Variants in ST8SIA1 observed in about 807,000 individuals in gnomAD.
ST8SIA1 encodes the protein ST8 alpha-N-acetyl-neuraminide alpha-2,8-sialyltransferase 1, also known as alpha-N-acetylneuraminide alpha-2,8-sialyltransferase.
A neutral mutation model predicts 35.9 loss-of-function variants in ST8SIA1; 16 were observed. The observed-to-expected ratio is 0.45, with a 90% CI of 0.30 to 0.68. The LOEUF (loss-of-function observed/expected upper bound fraction) is 0.68. Ranked by LOEUF, ST8SIA1 falls within the 30% of genes least tolerant of loss-of-function variation. The pLI is 0.09. For synonymous variants in ST8SIA1, 170 were observed against 169.6 expected, an observed-to-expected ratio of 1.00 and a Z score of -0.02; for missense variants, 383 against 453.6, an observed-to-expected ratio of 0.84 and a Z score of 1.41.
intron 4 of ST8SIA1, among the ~76,000 whole-genome samples, chr12:22,241,724 T>C (rs1452438755): frequency 1.3e-5 from 2 of 151,342 alleles, no homozygotes; most frequent in African/African-American, 2.4e-5. Context: ...TTCCCTCAAA[T>C]TTATAAAATC....
At chr12:22,282,312 C>G (rs918168302) in intron 2 of ST8SIA1, among the ~76,000 whole-genome samples, 4 of 152,144 alleles carry the variant, frequency 2.6e-5, no homozygotes, top group Admixed American at 6.5e-5. Flanking sequence ...ATAATAACAG[C>G]CACACAGAGT....
At chr12:22,288,542 C>G (rs999904601) in intron 1 of ST8SIA1, among the ~76,000 whole-genome samples, 5 of 152,172 alleles carry the variant, frequency 3.3e-5, no homozygotes, top group African/African-American at 9.7e-5. Context: ...GCAGGAGCCC[C>G]GCGGTGTGGG....
intron 2 of ST8SIA1, among the ~76,000 whole-genome samples, chr12:22,276,335 A>T (rs1289038128): frequency 2.0e-5 from 3 of 152,064 alleles, no homozygotes; most frequent in Non-Finnish European, 2.9e-5. Flanking sequence ...CTGTGTGAAC[A>T]CTCGGGATTT....
At chr12:22,246,397 A>T (rs191182273) in intron 4 of ST8SIA1, among the ~76,000 whole-genome samples, 1 of 152,338 alleles carries the variant, frequency 6.6e-6, no homozygotes, top group Admixed American at 6.5e-5. Context: ...TTGGAAAAAG[A>T]TCAGAGGGTG....
At chr12:22,205,465 GGAATT>G (rs1865096728) in intron 4 of ST8SIA1, among the ~76,000 whole-genome samples, 1 of 152,014 alleles carries the variant, frequency 6.6e-6, no homozygotes, top group African/African-American at 2.4e-5. Flanking sequence ...ATTTTATAAA[GGAATT>G]GAATACATGA....
At chr12:22,229,846 G>C (rs1227632680) in intron 4 of ST8SIA1, among the ~76,000 whole-genome samples, 1 of 152,142 alleles carries the variant, frequency 6.6e-6, no homozygotes, top group Non-Finnish European at 1.5e-5. Flanking sequence ...GCCTGGGACA[G>C]GTCTGAACTA....
chr12:22,318,463 A>T (rs559967337), intron 1 of ST8SIA1, among the ~76,000 whole-genome samples: 2 of 152,338 alleles, frequency 1.3e-5, no homozygotes, highest in South Asian at 4.1e-4. Context: ...TGTGAGAGCT[A>T]GATAGTTAAG....
intron 4 of ST8SIA1, among the ~76,000 whole-genome samples, chr12:22,217,943 AAATAACTGTT>A (rs1865252707): frequency 6.6e-6 from 1 of 152,254 alleles, no homozygotes. Context: ...AGATGAATGT[AAATAACTGTT>A]CATTTCTCAT....
At chr12:22,290,027 C>G (rs1163292177) in intron 1 of ST8SIA1, among the ~76,000 whole-genome samples, 3 of 152,196 alleles carry the variant, frequency 2.0e-5, no homozygotes, top group Non-Finnish European at 4.4e-5. Flanking sequence ...TACAGCATCA[C>G]CATGCTAGGG....
chr12:22,203,201 G>C (rs1865069483), intron 4 of ST8SIA1, among the ~76,000 whole-genome samples: 1 of 152,102 alleles, frequency 6.6e-6, no homozygotes, highest in Non-Finnish European at 1.5e-5. Context: ...AAGAGAGAGA[G>C]AGAAAGAGAG....
chr12:22,297,220 CA>C (rs1866256966), intron 1 of ST8SIA1, among the ~76,000 whole-genome samples: 1 of 151,752 alleles, frequency 6.6e-6, no homozygotes, highest in African/African-American at 2.4e-5. Flanking sequence ...ACAGAAACAG[CA>C]TTATAAATTT....
intron 4 of ST8SIA1, among the ~76,000 whole-genome samples, chr12:22,219,235 G>A (rs1865269347): frequency 6.6e-6 from 1 of 152,094 alleles, no homozygotes; most frequent in Non-Finnish European, 1.5e-5. Context: ...TACCACAAAT[G>A]TAAATTACAC....
intron 1 of ST8SIA1, among the ~76,000 whole-genome samples, chr12:22,330,898 C>T (rs539655441): frequency 6.6e-6 from 1 of 152,244 alleles, no homozygotes; most frequent in African/African-American, 2.4e-5. Context: ...TTGGCATTTC[C>T]CACAGTATCA....
At chr12:22,246,984 C>T (rs1865611624) in intron 4 of ST8SIA1, among the ~76,000 whole-genome samples, 1 of 152,142 alleles carries the variant, frequency 6.6e-6, no homozygotes, top group African/African-American at 2.4e-5. Context: ...TCTTAACCAA[C>T]AGTTCTACTT....
chr12:22,208,286 A>T (rs1865137735), intron 4 of ST8SIA1, among the ~76,000 whole-genome samples: 1 of 152,188 alleles, frequency 6.6e-6, no homozygotes, highest in African/African-American at 2.4e-5. Flanking sequence ...ACATATTTCA[A>T]TTATGTATAT....
intron 1 of ST8SIA1, among the ~76,000 whole-genome samples, chr12:22,304,189 T>C: frequency 6.6e-6 from 1 of 152,030 alleles, no homozygotes; most frequent in Non-Finnish European, 1.5e-5. Context: ...TTTAAAAAGA[T>C]TTTTTTTAAG....
At chr12:22,301,429 C>CT (rs34395687) in intron 1 of ST8SIA1, among the ~76,000 whole-genome samples, 74 of 151,540 alleles carry the variant, frequency 4.9e-4, no homozygotes, top group Non-Finnish European at 8.3e-4. Context: ...GTAAAGGAAA[C>CT]TTTTTTTTTG....
chr12:22,214,652 T>C (rs1250220397), intron 4 of ST8SIA1, among the ~76,000 whole-genome samples: 1 of 148,320 alleles, frequency 6.7e-6, no homozygotes, highest in African/African-American at 2.5e-5. Context: ...CCAAATCCTT[T>C]TGGAGCAAAT....
chr12:22,260,341 T>C (rs994126756), intron 2 of ST8SIA1, among the ~76,000 whole-genome samples: 8 of 152,066 alleles, frequency 5.3e-5, no homozygotes, highest in Admixed American at 1.3e-4. Context: ...TTTGTATTTT[T>C]TGTAGAGACG....
Sources: allele counts gnomAD v4.1 joint callset (sites outside exome capture counted in the v4.1 genomes callset), GRCh38; gene constraint gnomAD v4.1.1; transcripts MANE v1.5; gene names NCBI Gene and HGNC (gene_info 2026-07-23, HGNC 2026-07-21).